Variants in ZNF473 observed in about 807,000 individuals in gnomAD.
The protein encoded by ZNF473 is zinc finger protein 100 homolog.
Under a neutral mutation model 11.1 loss-of-function variants are expected in ZNF473, and 4 were observed. That is an observed-to-expected ratio of 0.36 (90% CI 0.18 to 0.82). ZNF473 has a LOEUF of 0.82. ZNF473 is among the 40% of genes least tolerant of loss of function. ZNF473 has a pLI of 0.49. For missense variants in ZNF473, 854 were observed against 1,084.0 expected (o/e 0.79, Z 2.98); for synonymous variants, 404 against 390.4 (o/e 1.03, Z -0.41).
intron 4 of ZNF473, chr19:50,042,637 C>T (rs947818461): frequency 6.6e-6 from 1 of 152,272 alleles, no homozygotes; most frequent in Non-Finnish European, 1.5e-5. Context: ...CCTTTACTAA[C>T]AAATATACCT....
chr19:50,037,648 C>T (rs1978523350), intron 2 of ZNF473, among the ~76,000 whole-genome samples: 1 of 147,422 alleles, frequency 6.8e-6, no homozygotes, highest in African/African-American at 2.6e-5. Flanking sequence ...TGGCAAGACT[C>T]CTACTCTACC....
rs1979112040 is a variant in ZNF473, at chr19:50,046,243, T to C, written c.1800T>C (p.Phe600=). Residue 600 remains phenylalanine (F), a synonymous_variant, in exon 5 of 5, where the codon TTT becomes TTC. Transcript: ENST00000270617. This position sits in a 1 kb window ranked among gnomAD's most constrained non-coding sequence, Gnocchi z 5.9. ...PFECDQCGKA[F]GQSTRLIHHQ... ...AATGTGACCAGTGTGGGAAAGCCTTTGGCCAAAGTACTCGGCTCATTCACC... is the reference window on the plus strand; with the variant it reads ...AATGTGACCAGTGTGGGAAAGCCTTCGGCCAAAGTACTCGGCTCATTCACC... 6.2e-7 allele frequency: 1 copy of C among 1,614,020 alleles called. No individual in the cohort carries two copies. Among genetic ancestry groups the C allele is most frequent in the Admixed American group, 1.7e-5 (1 of 59,988 alleles).
chr19:50,028,084 G>T (rs1220989105), intron 1 of ZNF473, among the ~76,000 whole-genome samples: 4 of 152,006 alleles, frequency 2.6e-5, no homozygotes, highest in Non-Finnish European at 5.9e-5. Context: ...GGATCACGAG[G>T]TCAGGAGATC....
intron 3 of ZNF473, chr19:50,041,360 A>C (rs1028010368): frequency 6.2e-6 from 1 of 160,102 alleles, no homozygotes. Flanking sequence ...TCCCTGGCCC[A>C]TGGAGGCCTC....
chr19:50,041,745 A>G lies in ZNF473; in HGVS notation c.152A>G (p.Asn51Ser), dbSNP rs1307417384. 1 of 1,612,112 alleles carries G rather than the reference A, an allele frequency of 6.2e-7. No homozygotes were observed. Among genetic ancestry groups the G allele is most frequent in the Non-Finnish European group, 8.5e-7 (1 of 1,179,184 alleles). Residue 51 changes from asparagine (N) to serine (S), a missense_variant, in exon 4 of 5, where the codon AAC (asparagine) becomes AGC (serine). This residue lies in a region of ZNF473 where 668 missense variants were observed against 790.2 expected (regional missense o/e 0.85). Transcript: ENST00000270617. ...DLFLLDPPRP[N>S]LTSHPDGSED... ...CTCCCTGCAGACCCCCCAAGACCCA[A>G]CCTGACCTCCCACCCAGATGGCAGT...
intron 4 of ZNF473, 182 bp downstream of exon 4, chr19:50,042,001 A>G (rs544095556): frequency 4.1e-6 from 2 of 489,448 alleles, no homozygotes; most frequent in South Asian, 2.6e-5. Flanking sequence ...GGACATTTTT[A>G]TAGACCCTCA....
chr19:50,036,242 G>C (rs1282188194), intron 2 of ZNF473, among the ~76,000 whole-genome samples: 1 of 151,660 alleles, frequency 6.6e-6, no homozygotes, highest in East Asian at 1.9e-4. Context: ...TTACAGGCAT[G>C]AGCCACCATG....
At chr19:50,036,545 C>T (rs145334400) in intron 2 of ZNF473, among the ~76,000 whole-genome samples, 2,250 of 146,428 alleles carry the variant, frequency 0.015, 60 homozygotes, top group African/African-American at 0.055. Context: ...AGGATGGTGT[C>T]GATCTCCTGA....
At position 50,039,287 on chromosome 19, in the gene ZNF473, G is replaced by A. The variant is rs2122832523; in HGVS notation, c.136G>A (p.Asp46Asn). 1 of 1,613,886 alleles carries A rather than the reference G, an allele frequency of 6.2e-7. No individual in the cohort carries two copies. The highest frequency in any genetic ancestry group is 1.3e-5 in the African/African-American group (1 of 75,022). The change falls in exon 3 of 5, where the codon GAC becomes AAC. Residue 46 changes from aspartate to asparagine, a missense_variant and splice_region_variant. Coordinates refer to ENST00000270617, the MANE Select transcript of ZNF473 (RefSeq NM_015428.4). This position sits in a 1 kb window ranked among gnomAD's most constrained non-coding sequence, Gnocchi z 4.8. ...LDNCQDLFLLDPPRPNLTSHP... is the reference protein window; with the variant it reads ...LDNCQDLFLLNPPRPNLTSHP... The stretch of plus-strand genomic sequence containing the variant: ...CAATTGCCAGGACCTCTTCCTGCTG[G>A]GTGAGTGTTGCCTGTCCCCAGGGGC...
In ZNF473 at chr19:50,047,439, A is replaced by G. The variant is rs1175198854; in HGVS notation, c.*380A>G. ...TGTGAAGCACTTAGAACTGATGGCC[A>G]GCACATGAGGGCTCACCAAGTGTAA... On this transcript the variant is annotated 3_prime_UTR_variant, in exon 5 of 5. Coordinates refer to ENST00000270617, the MANE Select transcript of ZNF473 (RefSeq NM_015428.4). The G allele has an allele frequency of 1.5e-5, 3 of 196,022 alleles. No homozygotes were observed. The highest frequency in any genetic ancestry group is 3.2e-5 in the Non-Finnish European group (3 of 93,126). 12.1% of individuals were successfully genotyped at this position (196,022 alleles called of 1,614,324 possible).
In ZNF473 at chr19:50,031,094, G is replaced by A. The variant is rs1168939707; in HGVS notation, c.9+3G>A. 2 of 1,567,460 alleles carry A rather than the reference G, an allele frequency of 1.3e-6. No homozygotes were observed. Among genetic ancestry groups the A allele is most frequent in the South Asian group, 1.2e-5 (1 of 85,188 alleles). On this transcript the variant is annotated splice_donor_region_variant and intron_variant, in intron 2 of 4. Transcript: ENST00000270617. Reference sequence around the variant, plus strand: ...AACCCCAGTTGGCCATGGCTGAGGTGAGTTGAAGGTCGCTCTGTCCTAATC... The same window carrying A: ...AACCCCAGTTGGCCATGGCTGAGGTAAGTTGAAGGTCGCTCTGTCCTAATC...
chr19:50,034,359 A>C (rs1308552423), intron 2 of ZNF473, among the ~76,000 whole-genome samples: 4 of 152,048 alleles, frequency 2.6e-5, no homozygotes, highest in Non-Finnish European at 5.9e-5. Flanking sequence ...GTCTTTTCCC[A>C]CGAAGCAGCA....
rs1298189094 is a variant in ZNF473 at position 50,048,612 on chromosome 19, A to C, written c.*1553A>C. 1 of 152,202 alleles carries C rather than the reference A, an allele frequency of 6.6e-6. No individual in the cohort carries two copies. Among genetic ancestry groups the C allele is most frequent in the Non-Finnish European group, 1.5e-5 (1 of 68,048 alleles). 9.4% of individuals were successfully genotyped at this position (152,202 alleles called of 1,614,324 possible). A position where few individuals can be genotyped will look rare whatever the true frequency, so the allele number is the denominator to read the frequency against. ...TGTTGTATACCAAAAGAGTGTACAA[A>C]GTGTTGCAGGGCTGTGACACAATAG... On this transcript the variant is annotated 3_prime_UTR_variant, in exon 5 of 5. Coordinates refer to ENST00000270617, the MANE Select transcript of ZNF473 (RefSeq NM_015428.4).
At position 50,034,712 on chromosome 19, in the gene ZNF473, ACAGTTATTCGGTC is replaced by A. The variant is rs572560632; in HGVS notation, c.9+3623_9+3635del. On this transcript the variant is annotated intron_variant, in intron 2 of 4. Transcript: ENST00000270617. Reference sequence around the variant, plus strand: ...TCTGTTCTCAGCTGTTAGTTAGAGAACAGTTATTCGGTCCTTTGAGGAACTGGCATGGTTCGAC... The same window carrying A: ...TCTGTTCTCAGCTGTTAGTTAGAGAACTTTGAGGAACTGGCATGGTTCGAC... 9.8e-3 allele frequency among the ~76,000 whole-genome samples: 1,488 copies of A among 152,256 alleles called. 25 individuals carry two copies. The highest frequency in any genetic ancestry group is 0.034 in the African/African-American group (1,408 of 41,522).
At chr19:50,036,919 A>C (rs1261460977) in intron 2 of ZNF473, among the ~76,000 whole-genome samples, 2 of 152,206 alleles carry the variant, frequency 1.3e-5, no homozygotes, top group African/African-American at 4.8e-5. Context: ...GCAACAGAAG[A>C]TGGACTAATA....
At position 50,044,692 on chromosome 19, in the gene ZNF473, T is replaced by G; in HGVS notation, c.249T>G (p.Ser83=). ...CAGATGTGACTGAGACCAAGAACTC[T>G]CCTCTGATGGAGGATTTCTTCGAAG... ...TSPDVTETKN[S]PLMEDFFEEG... The change falls in exon 5 of 5, where the codon TCT becomes TCG. Residue 83 remains serine (S), a synonymous_variant. Coordinates refer to ENST00000270617, the MANE Select transcript of ZNF473 (RefSeq NM_015428.4). 1 of 1,611,936 alleles carries G rather than the reference T, an allele frequency of 6.2e-7. No individual in the cohort carries two copies. Among genetic ancestry groups the G allele is most frequent in the Non-Finnish European group, 8.5e-7 (1 of 1,178,926 alleles).
chr19:50,034,012 T>C (rs571532844), intron 2 of ZNF473, among the ~76,000 whole-genome samples: 1 of 152,296 alleles, frequency 6.6e-6, no homozygotes, highest in South Asian at 2.1e-4. Context: ...TTGTGTGGGG[T>C]GGCGGCATTA....
chr19:50,027,479 T>A (rs755933657), intron 1 of ZNF473, among the ~76,000 whole-genome samples: 102 of 152,300 alleles, frequency 6.7e-4, no homozygotes, highest in Admixed American at 2.4e-3. Flanking sequence ...CTTAAGTCAC[T>A]CTGGGCTGGA....
At position 50,039,037 on chromosome 19, in the gene ZNF473, G is replaced by A. The variant is rs1433459938; in HGVS notation, c.10-124G>A. ...CTCTTACATCTCAAGATTCTTGTGA[G>A]GCTGAGGATGGGATGGTTTTTGCCA... On this transcript the variant is annotated intron_variant, in intron 2 of 4. Transcript: ENST00000270617. The surrounding 1 kb of genome is among the most constrained non-coding windows in gnomAD (Gnocchi z 4.8). 4 of 1,229,422 alleles carry A rather than the reference G, an allele frequency of 3.3e-6. No individual in the cohort carries two copies. Among genetic ancestry groups the A allele is most frequent in the Non-Finnish European group, 4.6e-6 (4 of 866,928 alleles). 76.2% of individuals were successfully genotyped at this position (1,229,422 alleles called of 1,614,324 possible).
Sources: allele counts gnomAD v4.1 joint callset (sites outside exome capture counted in the v4.1 genomes callset), GRCh38; gene constraint gnomAD v4.1.1; regional missense constraint gnomAD v4.1.1; non-coding constraint Gnocchi (gnomAD v3.1); transcripts MANE v1.5; gene names NCBI Gene and HGNC (gene_info 2026-07-23, HGNC 2026-07-21).